MAP3K4: variants seen among roughly 807,000 people sequenced by gnomAD.
MAP3K4 encodes MAP three kinase 1.
Under a neutral mutation model 185.6 loss-of-function variants are expected in MAP3K4, and 67 were observed. The ratio of observed to expected loss-of-function variants is 0.36; its 90% CI spans 0.30 to 0.44. MAP3K4 has a LOEUF of 0.44. Among genes scored for constraint, MAP3K4 ranks in the 20% least tolerant of loss-of-function variants. The pLI, the probability that MAP3K4 is intolerant of heterozygous loss-of-function variation, is 1.00. For missense variants in MAP3K4, 1,551 were observed against 1,995.1 expected, an observed-to-expected ratio of 0.78 and a Z score of 4.24; for synonymous variants, 702 against 710.4, an observed-to-expected ratio of 0.99 and a Z score of 0.19.
At chr6:161,052,797 T>C (rs1361482811) in intron 3 of MAP3K4, among the ~76,000 whole-genome samples, 1 of 152,124 alleles carries the variant, frequency 6.6e-6, no homozygotes, top group East Asian at 1.9e-4. Context: ...AGGTTTGTTT[T>C]AGTCGTTTTA....
In MAP3K4 at chr6:161,115,423, A is replaced by G. The variant is rs1204598375; in HGVS notation, c.4806+121A>G. The G allele has an allele frequency of 5.6e-6, 5 of 892,752 alleles. No homozygotes were observed. In the East Asian group the frequency reaches 1.1e-4, roughly 19 times the overall value. The allele number at this position is 892,752 out of a possible 1,614,324, so 55.3% of individuals were successfully genotyped here. A position where few individuals can be genotyped will look rare whatever the true frequency, so the allele number is the denominator to read the frequency against. Reference sequence around the variant, plus strand: ...TATATCTGAAGTGGAAAGGAACTAAATGTATTATTATGCCAGGGATTTTTG... The same window carrying G: ...TATATCTGAAGTGGAAAGGAACTAAGTGTATTATTATGCCAGGGATTTTTG... On this transcript the variant is annotated intron_variant, in intron 26 of 26. Transcript: ENST00000392142. This position sits in a 1 kb window ranked among gnomAD's most constrained non-coding sequence, Gnocchi z 6.0.
intron 1 of MAP3K4, among the ~76,000 whole-genome samples, chr6:161,020,788 A>G (rs544505824): frequency 6.6e-6 from 1 of 152,206 alleles, no homozygotes; most frequent in Non-Finnish European, 1.5e-5. Flanking sequence ...TGCCACAGCT[A>G]TTTTTAAAAT....
In MAP3K4 at chr6:161,054,764, A is replaced by G. The variant is rs532841683; in HGVS notation, c.1707+4785A>G. On this transcript the variant is annotated intron_variant, in intron 3 of 26. Coordinates refer to ENST00000392142, the MANE Select transcript of MAP3K4 (RefSeq NM_005922.4). This position sits in a 1 kb window ranked among gnomAD's most constrained non-coding sequence, Gnocchi z 4.2. ...CTTATCTATAGAAACAGTGTTGTAA[A>G]TAAGAGAGTCTCAGATTATCAAATG... Among the ~76,000 whole-genome samples, 68 of 152,330 alleles carry G rather than the reference A, an allele frequency of 4.5e-4. 4 individuals are homozygous for G. In the South Asian group the frequency reaches 0.014, roughly 31 times the overall value.
intron 2 of MAP3K4, among the ~76,000 whole-genome samples, chr6:161,045,140 C>T (rs1025253048): frequency 2.0e-5 from 3 of 152,054 alleles, no homozygotes; most frequent in South Asian, 4.2e-4. Context: ...ATTTTAAGTT[C>T]GAATTGCGTC....
Position 161,115,012 on chromosome 6 carries a change from G to T in MAP3K4, c.4627-111G>T. On this transcript the variant is annotated intron_variant, in intron 25 of 26. Coordinates refer to ENST00000392142, the MANE Select transcript of MAP3K4 (RefSeq NM_005922.4). This position sits in a 1 kb window ranked among gnomAD's most constrained non-coding sequence, Gnocchi z 6.0. The stretch of plus-strand genomic sequence containing the variant: ...TGTTTGGCCCTTTCAGTAAAAATTT[G>T]CTGTCCCCTGATATATATTAATGAT... 1.1e-6 allele frequency: 1 copy of T among 893,246 alleles called. No homozygotes were observed. The highest frequency in any genetic ancestry group is 1.7e-6 in the Non-Finnish European group (1 of 586,968). The allele number at this position is 893,246 out of a possible 1,614,324, so 55.3% of individuals were successfully genotyped here.
intron 1 of MAP3K4, among the ~76,000 whole-genome samples, chr6:161,024,215 C>T (rs1456492887): frequency 1.3e-5 from 2 of 152,090 alleles, no homozygotes; most frequent in Non-Finnish European, 2.9e-5. Context: ...GTGATCCTCC[C>T]GCCTCTGCCT....
chr6:161,057,201 A>C (rs750471835), intron 3 of MAP3K4, among the ~76,000 whole-genome samples: 27 of 152,186 alleles, frequency 1.8e-4, no homozygotes, highest in Non-Finnish European at 3.5e-4. Context: ...TAGTTGTGCT[A>C]ATTTTTTCCT....
Position 161,097,148 on chromosome 6 carries a change from C to T in MAP3K4, c.3496C>T (p.Leu1166Phe), listed in dbSNP as rs1777608706. The T allele has an allele frequency of 6.2e-7, 1 of 1,614,048 alleles. No homozygotes were observed. Among genetic ancestry groups the T allele is most frequent in the Admixed American group, 1.7e-5 (1 of 59,998 alleles). ...CCATAGTGACCCTCCTAACCCACACCTCATTATCCCCACTCCAGAGGGATT... is the reference window on the plus strand; with the variant it reads ...CCATAGTGACCCTCCTAACCCACACTTCATTATCCCCACTCCAGAGGGATT... ...RCHSDPPNPH[L>F]IIPTPEGFST... Residue 1166 changes from leucine (L) to phenylalanine (F), a missense_variant, in exon 16 of 27, where the codon CTC becomes TTC. Around this residue, in one of 16 missense-constraint regions of MAP3K4, gnomAD observed 272 missense variants for 301.2 expected, o/e 0.90. Coordinates refer to ENST00000392142, the MANE Select transcript of MAP3K4 (RefSeq NM_005922.4). The surrounding 1 kb of genome is among the most constrained non-coding windows in gnomAD (Gnocchi z 4.9).
intron 1 of MAP3K4, among the ~76,000 whole-genome samples, chr6:161,014,370 T>C (rs1231542682): frequency 6.6e-6 from 1 of 152,244 alleles, no homozygotes; most frequent in Non-Finnish European, 1.5e-5. Flanking sequence ...TCCCCTTGTT[T>C]TAATGTAAGT....
In MAP3K4 at chr6:160,991,950, G is replaced by C. The variant is rs1046866185; in HGVS notation, c.19G>C (p.Ala7Pro). Reference protein sequence around the residue: MREAAAALVPPPAFAVT... With the variant: MREAAAPLVPPPAFAVT... ...TGCACGGATGAGAGAAGCCGCTGCC[G>C]CGCTGGTCCCTCCTCCCGCCTTTGC... The change falls in exon 1 of 27, where the codon GCG becomes CCG. Residue 7 changes from alanine (A) to proline (P), a missense_variant. This residue lies in a region of MAP3K4 where 287 missense variants were observed against 268.8 expected (regional missense o/e 1.07). Coordinates refer to ENST00000392142, the MANE Select transcript of MAP3K4 (RefSeq NM_005922.4). This position sits in a 1 kb window ranked among gnomAD's most constrained non-coding sequence, Gnocchi z 5.7. 3.2e-6 allele frequency: 5 copies of C among 1,543,692 alleles called. No homozygotes were observed. The African/African-American group carries it at 7.0e-5, about 22-fold the overall frequency.
rs372387231 is a variant in MAP3K4 at position 161,026,334 on chromosome 6, A to G, written c.153-7925A>G. Among the ~76,000 whole-genome samples the G allele has an allele frequency of 3.0e-4, 46 of 151,522 alleles. No individual in the cohort carries two copies. In the East Asian group the frequency reaches 6.8e-3, roughly 22 times the overall value. On this transcript the variant is annotated intron_variant, in intron 1 of 26. Transcript: ENST00000392142. The stretch of plus-strand genomic sequence containing the variant: ...GTATGTTTAGTAAAGACGGGGTTTC[A>G]CCATGTTAGCCAGGATGGTCTTGAT...
chr6:161,103,778 G>T lies in MAP3K4; in HGVS notation c.3856+999G>T, dbSNP rs968899670. ...GCCAGAATTGAGGAGAAAGTGGGCA[G>T]ATTGGTTAAAATGCCATTGCAGAAA... is the stretch of plus-strand genomic sequence containing the variant. On this transcript the variant is annotated intron_variant, in intron 19 of 26. Coordinates refer to ENST00000392142, the MANE Select transcript of MAP3K4 (RefSeq NM_005922.4). This position sits in a 1 kb window ranked among gnomAD's most constrained non-coding sequence, Gnocchi z 4.6. Among the ~76,000 whole-genome samples the T allele has an allele frequency of 1.3e-5, 2 of 152,212 alleles. No homozygotes were observed. The highest frequency in any genetic ancestry group is 4.8e-5 in the African/African-American group (2 of 41,458).
rs767811844 is a variant in MAP3K4 at position 161,049,912 on chromosome 6, A to G, written c.1640A>G (p.His547Arg). The G allele has an allele frequency of 9.3e-6, 15 of 1,614,028 alleles. No individual in the cohort carries two copies. Among genetic ancestry groups the G allele is most frequent in the Non-Finnish European group, 1.2e-5 (14 of 1,180,008 alleles). The change falls in exon 3 of 27, where the codon CAC (histidine) becomes CGC (arginine). Residue 547 changes from histidine (H) to arginine (R), a missense_variant. By Grantham distance (29) the His-to-Arg change is conservative. Coordinates refer to ENST00000392142, the MANE Select transcript of MAP3K4 (RefSeq NM_005922.4). The surrounding 1 kb of genome is among the most constrained non-coding windows in gnomAD (Gnocchi z 8.4). ...MGLRKLILRLHKLMDGSLQRA... is the reference protein window; with the variant it reads ...MGLRKLILRLRKLMDGSLQRA... Reference sequence around the variant, plus strand: ...TTAAGAAAGTTAATTTTAAGACTTCACAAGCTAATGGATGGTTCCTTGCAA... The same window carrying G: ...TTAAGAAAGTTAATTTTAAGACTTCGCAAGCTAATGGATGGTTCCTTGCAA...
chr6:161,049,812 G>A lies in MAP3K4; in HGVS notation c.1540G>A (p.Glu514Lys). The change falls in exon 3 of 27, where the codon GAA (glutamate) becomes AAA (lysine). Residue 514 changes from glutamate to lysine, a missense_variant. Physicochemically the swap from Glu to Lys is moderately conservative, Grantham distance 56. Transcript: ENST00000392142. The surrounding 1 kb of genome is among the most constrained non-coding windows in gnomAD (Gnocchi z 8.4). ...CTGGGGAGCACCAGACTGGAGCACA[G>A]AAGCAGGCTTTAGTAGACATTGTCT... ...LGWGAPDWST[E>K]AGFSRHCLTS... 1.2e-6 allele frequency: 2 copies of A among 1,614,170 alleles called. No individual in the cohort carries two copies. Among genetic ancestry groups the A allele is most frequent in the Non-Finnish European group, 1.7e-6 (2 of 1,180,030 alleles).
At chr6:161,038,203 G>C (rs1266342228) in intron 2 of MAP3K4, among the ~76,000 whole-genome samples, 3 of 152,144 alleles carry the variant, frequency 2.0e-5, no homozygotes, top group Non-Finnish European at 4.4e-5. Flanking sequence ...CCTAGTTCCA[G>C]GTCAAGTAGG....
At position 161,074,729 on chromosome 6, in the gene MAP3K4, G is replaced by C. The variant is rs961222530; in HGVS notation, c.2097+1117G>C. Among the ~76,000 whole-genome samples the C allele has an allele frequency of 2.6e-5, 4 of 152,220 alleles. No homozygotes were observed. Among genetic ancestry groups the C allele is most frequent in the African/African-American group, 9.6e-5 (4 of 41,458 alleles). ...GACAGGTTAATGAAATAATAAAACT[G>C]TATCGTTGTAGGTGGGGTGCATTCA... On this transcript the variant is annotated intron_variant, in intron 5 of 26. Transcript: ENST00000392142. The surrounding 1 kb of genome is among the most constrained non-coding windows in gnomAD (Gnocchi z 5.0).
At chr6:161,089,142 T>C (rs1305664851) in intron 10 of MAP3K4, among the ~76,000 whole-genome samples, 180 bp from the exon 11 acceptor site, 1 of 152,182 alleles carries the variant, frequency 6.6e-6, no homozygotes, top group Non-Finnish European at 1.5e-5. Context: ...ATCCCAGCTG[T>C]CAATGCCCAC....
chr6:161,108,913 T>C lies in MAP3K4; in HGVS notation c.4236+54T>C. On this transcript the variant is annotated intron_variant, in intron 22 of 26. Coordinates refer to ENST00000392142, the MANE Select transcript of MAP3K4 (RefSeq NM_005922.4). The surrounding 1 kb of genome is among the most constrained non-coding windows in gnomAD (Gnocchi z 5.7). ...GTGAGGAATCAGTGAGGGCACAGAA[T>C]GGAGTCCTGTTCTACATCACAGGTC... 1 of 1,587,168 alleles carries C rather than the reference T, an allele frequency of 6.3e-7. No individual in the cohort carries two copies. The highest frequency in any genetic ancestry group is 8.7e-7 in the Non-Finnish European group (1 of 1,155,456).
chr6:161,069,431 G>A (rs907738886), intron 3 of MAP3K4, among the ~76,000 whole-genome samples: 3 of 152,146 alleles, frequency 2.0e-5, no homozygotes, highest in Admixed American at 1.3e-4. Flanking sequence ...CATGGGCAGC[G>A]AGGCTGGTGA....
Sources: gnomAD v4.1 joint callset for allele counts (sites outside exome capture counted in the v4.1 genomes callset) on GRCh38, gnomAD v4.1.1 for gene constraint, gnomAD v4.1.1 regional missense constraint, Gnocchi (gnomAD v3.1) non-coding constraint, MANE v1.5 for transcripts, NCBI Gene and HGNC (gene_info 2026-07-23, HGNC 2026-07-21) for gene names.